The following MAGED1 variants were observed in gnomAD, a reference collection of about 807,000 sequenced individuals.
The protein encoded by MAGED1 is melanoma-associated antigen D1.
Under a neutral mutation model 54.1 loss-of-function variants are expected in MAGED1, and 3 were observed. The observed-to-expected ratio is 0.06, with a 90% CI of 0.03 to 0.14. The LOEUF (loss-of-function observed/expected upper bound fraction) is 0.14, where lower values mean the gene tolerates loss of function less well. MAGED1 is among the 10% of genes least tolerant of loss of function. MAGED1 has a pLI of 1.00. For missense variants in MAGED1, 485 were observed against 623.4 expected (o/e 0.78, Z 2.36); for synonymous variants, 217 against 227.3 (o/e 0.95, Z 0.41).
At chrX:51,805,480 A>T (rs1166380307) in intron 1 of MAGED1, among the ~76,000 whole-genome samples, 1 of 110,446 alleles carries the variant, frequency 9.1e-6, no homozygotes, top group Non-Finnish European at 1.9e-5. Context: ...GAAATAAAAA[A>T]TATACAGAAT....
intron 1 of MAGED1, among the ~76,000 whole-genome samples, chrX:51,848,236 C>T (rs1419799268): frequency 9.0e-6 from 1 of 111,198 alleles, no homozygotes; most frequent in African/African-American, 3.3e-5. Flanking sequence ...TATATACCTG[C>T]AAGACTTGTT....
chrX:51,850,085 A>G (rs1926830580), intron 1 of MAGED1, among the ~76,000 whole-genome samples: 1 of 110,395 alleles, frequency 9.1e-6, no homozygotes, highest in South Asian at 4.0e-4. Context: ...ACGCCTGTTT[A>G]ACTTTTTATA....
chrX:51,867,608 G>T (rs782659078), intron 1 of MAGED1, among the ~76,000 whole-genome samples: 1 of 111,714 alleles, frequency 9.0e-6, no homozygotes, highest in Admixed American at 9.5e-5. Flanking sequence ...TCCCCAGCCC[G>T]CTGACTCAAA....
intron 10 of MAGED1, 174 bp downstream of exon 10, chrX:51,898,817 A>G (rs1928878898): frequency 1.5e-5 from 6 of 399,160 alleles, no homozygotes; most frequent in Non-Finnish European, 2.5e-5. Context: ...AGCCTGGGCA[A>G]CATAACGAAA....
At chrX:51,874,370 A>G (rs1557361854) in intron 1 of MAGED1, among the ~76,000 whole-genome samples, 1 of 111,434 alleles carries the variant, frequency 9.0e-6, no homozygotes, top group Non-Finnish European at 1.9e-5. Context: ...AATGATGGAG[A>G]TGAAACCAGA....
chrX:51,856,147 A>G (rs1262114594), intron 1 of MAGED1, among the ~76,000 whole-genome samples: 1 of 111,742 alleles, frequency 8.9e-6, no homozygotes, highest in Non-Finnish European at 1.9e-5. Flanking sequence ...ATATACCACA[A>G]TTTACTTAAT....
chrX:51,900,129 G>A, intron 10 of MAGED1, 53 bp from the exon 11 acceptor site: 2 of 754,638 alleles, frequency 2.7e-6, no homozygotes, highest in Non-Finnish European at 4.1e-6. Flanking sequence ...TTTCATTAGT[G>A]GACTACCATT....
Position 51,867,140 on chromosome X carries a change from G to A in MAGED1, c.-36-27129G>A, listed in dbSNP as rs1226801336. On this transcript the variant is annotated intron_variant, in intron 1 of 12. Transcript: ENST00000375772. ...GTGGACTTCCTAATATTGGACCCCA[G>A]AATTAAGCAGATTTACCTAAACCAC... Among the ~76,000 whole-genome samples the A allele has an allele frequency of 2.7e-5, 3 of 111,356 alleles. No individual in the cohort carries two copies. In the Admixed American group the frequency reaches 2.9e-4, roughly 11 times the overall value.
intron 1 of MAGED1, among the ~76,000 whole-genome samples, chrX:51,861,653 C>G (rs1256018325): frequency 1.8e-5 from 2 of 111,556 alleles, no homozygotes; most frequent in African/African-American, 6.5e-5. Flanking sequence ...TGTATCATTT[C>G]TAGAGTTATA....
At chrX:51,855,804 G>C (rs1383603961) in intron 1 of MAGED1, among the ~76,000 whole-genome samples, 3 of 111,384 alleles carry the variant, frequency 2.7e-5, no homozygotes, top group South Asian at 3.8e-4. Flanking sequence ...AGGATTACAG[G>C]CATGAGCCCC....
chrX:51,820,638 A>C (rs1229809037), intron 1 of MAGED1, among the ~76,000 whole-genome samples: 1 of 111,429 alleles, frequency 9.0e-6, no homozygotes, highest in Non-Finnish European at 1.9e-5. Flanking sequence ...TTGATACACA[A>C]TAATTCTATT....
intron 1 of MAGED1, among the ~76,000 whole-genome samples, chrX:51,820,624 T>G (rs1557356453): frequency 9.0e-6 from 1 of 111,483 alleles, no homozygotes; most frequent in Non-Finnish European, 1.9e-5. Context: ...TATTTTATGT[T>G]TAATTGATAC....
At chrX:51,835,349 A>G (rs1240224071) in intron 1 of MAGED1, among the ~76,000 whole-genome samples, 2 of 111,009 alleles carry the variant, frequency 1.8e-5, no homozygotes, top group Non-Finnish European at 3.8e-5. Flanking sequence ...AATTACATGA[A>G]TATCTCATGT....
intron 1 of MAGED1, among the ~76,000 whole-genome samples, chrX:51,824,702 C>CTGTG (rs1416090731): frequency 2.0e-4 from 10 of 50,358 alleles, no homozygotes; most frequent in South Asian, 1.4e-3. Context: ...TTTATATTGT[C>CTGTG]TCTGTGTGTG....
chrX:51,901,981 G>T (rs1170114156), intron 12 of MAGED1, 43 bp downstream of exon 12: 46 of 1,130,825 alleles, frequency 4.1e-5, no homozygotes, highest in Non-Finnish European at 5.3e-5. Flanking sequence ...GTCTCTGGGG[G>T]ATATAGGGTC....
intron 12 of MAGED1, 98 bp downstream of exon 12, chrX:51,902,036 T>TTA (rs1929049838): frequency 1.1e-6 from 1 of 900,552 alleles, no homozygotes. Context: ...ATTAGGAAAC[T>TTA]CATTGTAGGG....
At chrX:51,877,698 T>C (rs1557362128) in intron 1 of MAGED1, among the ~76,000 whole-genome samples, 1 of 111,777 alleles carries the variant, frequency 8.9e-6, no homozygotes, top group African/African-American at 3.2e-5. Context: ...CAAAGACTTT[T>C]TAATGTCATA....
chrX:51,894,951 C>T, intron 2 of MAGED1, 102 bp from the exon 3 acceptor site: 1 of 916,012 alleles, frequency 1.1e-6, no homozygotes, highest in Non-Finnish European at 1.5e-6. Context: ...CCACCGCCCG[C>T]CTGCAGCTCC....
At chrX:51,851,539 A>G (rs912402604) in intron 1 of MAGED1, among the ~76,000 whole-genome samples, 1 of 111,107 alleles carries the variant, frequency 9.0e-6, no homozygotes, top group Non-Finnish European at 1.9e-5. Context: ...ACTAATAATG[A>G]AATAGAAAGA....
Sources: allele counts gnomAD v4.1 joint callset (sites outside exome capture counted in the v4.1 genomes callset), GRCh38; gene constraint gnomAD v4.1.1; transcripts MANE v1.5; gene names NCBI Gene and HGNC (gene_info 2026-07-23, HGNC 2026-07-21).